The following PUS7L variants were observed in gnomAD, a reference collection of about 807,000 sequenced individuals.
PUS7L encodes pseudouridylate synthase PUS7L.
In PUS7L, 49 loss-of-function variants were observed where a neutral mutation model predicts 51.1. That is an observed-to-expected ratio of 0.96 (90% CI 0.76 to 1.22). The LOEUF is 1.22. Ranked by LOEUF, PUS7L falls within the 50% of genes most tolerant of loss-of-function variation. The pLI, the probability that PUS7L is intolerant of heterozygous loss-of-function variation, is 0.00. For synonymous variants in PUS7L, 277 were observed against 276.2 expected, an observed-to-expected ratio of 1.00 and a Z score of -0.03; for missense variants, 828 against 820.6, an observed-to-expected ratio of 1.01 and a Z score of -0.11.
At chr12:43,751,659 C>T (rs1191537094) in intron 2 of PUS7L, among the ~76,000 whole-genome samples, 8 of 152,226 alleles carry the variant, frequency 5.3e-5, no homozygotes, top group African/African-American at 1.4e-4. Context: ...AATAAACATA[C>T]GTGTGCATGT....
Position 43,754,841 on chromosome 12 carries a change from C to T in PUS7L, c.405G>A (p.Glu135=), listed in dbSNP as rs1938618319. The change falls in exon 2 of 9, where the codon GAG becomes GAA. Residue 135 remains glutamate, a synonymous_variant. Coordinates refer to ENST00000344862, the MANE Select transcript of PUS7L (RefSeq NM_031292.5). ...LSSFLDEKTH[E]LLNNFACDVR... ...CATCACAGGCAAAATTATTCAGTAACTCATGAGTTTTTTCATCCAAAAAGG... is the reference window on the plus strand; with the variant it reads ...CATCACAGGCAAAATTATTCAGTAATTCATGAGTTTTTTCATCCAAAAAGG... 6.2e-7 allele frequency: 1 copy of T among 1,613,690 alleles called. No individual in the cohort carries two copies. Among genetic ancestry groups the T allele is most frequent in the Non-Finnish European group, 8.5e-7 (1 of 1,179,842 alleles).
rs1387909640 is a variant in PUS7L at position 43,726,837 on chromosome 12, A to G, written c.*3539T>C. 1 of 152,204 alleles carries G rather than the reference A, an allele frequency of 6.6e-6. No homozygotes were observed. Among genetic ancestry groups the G allele is most frequent in the Non-Finnish European group, 1.5e-5 (1 of 68,082 alleles). The allele number at this position is 152,204 out of a possible 1,614,324, so 9.4% of individuals were successfully genotyped here. A position where few individuals can be genotyped will look rare whatever the true frequency, so the allele number is the denominator to read the frequency against. ...AAGGAAACTCCATCTAAAAAAAAAAAAAAATTGACAAGTGGGACCTAATTA... is the reference window on the plus strand; with the variant it reads ...AAGGAAACTCCATCTAAAAAAAAAAGAAAATTGACAAGTGGGACCTAATTA... On this transcript the variant is annotated 3_prime_UTR_variant, in exon 9 of 9. Coordinates refer to ENST00000344862, the MANE Select transcript of PUS7L (RefSeq NM_031292.5).
intron 2 of PUS7L, among the ~76,000 whole-genome samples, chr12:43,751,961 A>C (rs1410659235): frequency 2.6e-5 from 4 of 152,210 alleles, no homozygotes; most frequent in Admixed American, 6.5e-5. Flanking sequence ...AGTGATGATG[A>C]GCATTTTTTC....
rs930715930 is a variant in PUS7L, at chr12:43,724,176, C to CT, written c.*6199dup. On this transcript the variant is annotated 3_prime_UTR_variant, in exon 9 of 9. Coordinates refer to ENST00000344862, the MANE Select transcript of PUS7L (RefSeq NM_031292.5). Reference sequence around the variant, plus strand: ...TAGAGTTTCATTTTCTTTTTGTTCTCTTAAAGATTACTCCCAGGTAGAAAA... The same window carrying CT: ...TAGAGTTTCATTTTCTTTTTGTTCTCTTTAAAGATTACTCCCAGGTAGAAAA... 1.3e-5 allele frequency: 2 copies of CT among 151,754 alleles called. No homozygotes were observed. The highest frequency in any genetic ancestry group is 2.9e-5 in the Non-Finnish European group (2 of 67,866). 9.4% of individuals were successfully genotyped at this position (151,754 alleles called of 1,614,324 possible).
chr12:43,746,022 C>T, intron 4 of PUS7L, 24 bp downstream of exon 4: 1 of 1,088,908 alleles, frequency 9.2e-7, no homozygotes, highest in Non-Finnish European at 1.4e-6. Context: ...TCCCTGGATG[C>T]CTTTTAAAAT....
intron 7 of PUS7L, 112 bp from the exon 8 acceptor site, chr12:43,731,870 C>T (rs377202286): frequency 4.6e-6 from 3 of 647,444 alleles, no homozygotes; most frequent in African/African-American, 1.9e-5. Flanking sequence ...GCTGAATATA[C>T]ATAAACCCAA....
At chr12:43,758,657 C>CG in intron 1 of PUS7L, 73 bp downstream of exon 1, 5 of 653,554 alleles carry the variant, frequency 7.7e-6, no homozygotes, top group Non-Finnish European at 8.7e-6. Context: ...CCTCGTCACC[C>CG]CCCCCCCCCA....
intron 7 of PUS7L, among the ~76,000 whole-genome samples, chr12:43,732,153 A>C (rs1024195873): frequency 1.3e-5 from 2 of 151,958 alleles, no homozygotes; most frequent in African/African-American, 4.8e-5. Flanking sequence ...ATAATAATCT[A>C]TACAGAACTG....
At chr12:43,745,084 C>T (rs1406139657) in intron 4 of PUS7L, among the ~76,000 whole-genome samples, 1 of 152,008 alleles carries the variant, frequency 6.6e-6, no homozygotes, top group African/African-American at 2.4e-5. Context: ...TGCTTCCATA[C>T]AATGGCAGTA....
At chr12:43,735,629 G>C (rs1944667933) in intron 7 of PUS7L, among the ~76,000 whole-genome samples, 5 of 151,076 alleles carry the variant, frequency 3.3e-5, no homozygotes, top group Non-Finnish European at 1.5e-5. Flanking sequence ...TTAACTAATA[G>C]AATAAAAATA....
intron 7 of PUS7L, among the ~76,000 whole-genome samples, chr12:43,735,234 G>A (rs1944657865): frequency 6.6e-6 from 1 of 151,742 alleles, no homozygotes; most frequent in African/African-American, 2.4e-5. Context: ...GGAGAATGGC[G>A]TGAACCCGGG....
chr12:43,731,895 T>C (rs1944564877), intron 7 of PUS7L, 137 bp from the exon 8 acceptor site: 1 of 602,758 alleles, frequency 1.7e-6, no homozygotes, highest in Non-Finnish European at 2.9e-6. Flanking sequence ...GATCTTATCA[T>C]AATTTGTTTC....
At chr12:43,733,926 G>C (rs1944620381) in intron 7 of PUS7L, among the ~76,000 whole-genome samples, 1 of 151,886 alleles carries the variant, frequency 6.6e-6, no homozygotes, top group South Asian at 2.1e-4. Flanking sequence ...TATTAGGTTG[G>C]AGCACAAGTA....
intron 5 of PUS7L, chr12:43,740,953 G>A (rs1937870699): frequency 1.3e-5 from 2 of 152,088 alleles, no homozygotes; most frequent in Admixed American, 1.3e-4. Flanking sequence ...TACACATCCG[G>A]GCCAATTGTG....
rs1221609970 is a variant in PUS7L at position 43,754,557 on chromosome 12, T to G, written c.689A>C (p.Lys230Thr). 6.2e-7 allele frequency: 1 copy of G among 1,609,398 alleles called. No homozygotes were observed. The highest frequency in any genetic ancestry group is 2.2e-5 in the East Asian group (1 of 44,850). Residue 230 changes from lysine to threonine, a missense_variant, in exon 2 of 9, where the codon AAA becomes ACA. Physicochemically the swap from Lys to Thr is moderately conservative, Grantham distance 78. Coordinates refer to ENST00000344862, the MANE Select transcript of PUS7L (RefSeq NM_031292.5). Reference protein sequence around the residue: ...KYLDAKKENSKFTFKPDTNKD... With the variant: ...KYLDAKKENSTFTFKPDTNKD... ...GTTTGTATCAGGTTTAAAGGTAAAT[T>G]TGGAATTTTCTTTCTTTGCATCCAA... is the stretch of plus-strand genomic sequence containing the variant.
intron 2 of PUS7L, among the ~76,000 whole-genome samples, chr12:43,751,589 G>A (rs900951386): frequency 3.9e-5 from 6 of 152,102 alleles, no homozygotes; most frequent in African/African-American, 1.4e-4. Flanking sequence ...TCTTAATCCA[G>A]TCTATCGTTG....
At chr12:43,745,719 CCT>C (rs1436095312) in intron 4 of PUS7L, among the ~76,000 whole-genome samples, 1 of 148,288 alleles carries the variant, frequency 6.7e-6, no homozygotes, top group African/African-American at 2.5e-5. Flanking sequence ...AATAAATTCC[CCT>C]GACTAAATAC....
At chr12:43,752,064 ATTTG>A (rs1224553508) in intron 2 of PUS7L, among the ~76,000 whole-genome samples, 6 of 152,082 alleles carry the variant, frequency 3.9e-5, no homozygotes, top group African/African-American at 1.4e-4. Flanking sequence ...TTTCTTGTAA[ATTTG>A]TTTGAGTTCT....
intron 7 of PUS7L, among the ~76,000 whole-genome samples, chr12:43,732,042 T>C (rs1014960570): frequency 6.6e-6 from 1 of 152,184 alleles, no homozygotes; most frequent in Non-Finnish European, 1.5e-5. Flanking sequence ...CAGCAATCTT[T>C]TTCTAAATCA....
Sources: gnomAD v4.1 joint callset for allele counts (sites outside exome capture counted in the v4.1 genomes callset) on GRCh38, gnomAD v4.1.1 for gene constraint, MANE v1.5 for transcripts, NCBI Gene and HGNC (gene_info 2026-07-23, HGNC 2026-07-21) for gene names.